GRIK2: variants seen among roughly 807,000 people sequenced by gnomAD.
GRIK2 encodes glutamate ionotropic receptor kainate type subunit 2.
GRIK2 carries 32 observed loss-of-function variants against 100.3 expected under a neutral mutation model. The ratio of observed to expected loss-of-function variants is 0.32; its 90% CI spans 0.24 to 0.43. The LOEUF is 0.43. GRIK2 is among the 20% of genes least tolerant of loss of function. The pLI, the probability that GRIK2 is intolerant of heterozygous loss-of-function variation, is 1.00. For missense variants in GRIK2, 843 were observed against 1,114.9 expected (o/e 0.76, Z 3.47); for synonymous variants, 417 against 389.4 (o/e 1.07, Z -0.83).
chr6:101,441,507 C>T (rs377641482), intron 2 of GRIK2, among the ~76,000 whole-genome samples: 7 of 152,086 alleles, frequency 4.6e-5, no homozygotes, highest in Non-Finnish European at 1.0e-4. Context: ...ACCCAGAACA[C>T]GGTATTATGC....
At chr6:101,942,998 C>A (rs569854011) in intron 14 of GRIK2, among the ~76,000 whole-genome samples, 4 of 152,216 alleles carry the variant, frequency 2.6e-5, no homozygotes. Flanking sequence ...CTCCTCCCTT[C>A]GCAGGCCTAG....
At position 101,928,122 on chromosome 6, in the gene GRIK2, T is replaced by A. The variant is rs192285070; in HGVS notation, c.1868-293T>A. ...GCCTAAAAAATCTCTTCTAATGCTATTTTTATTAAAAATGTTTACTCATTA... is the reference window on the plus strand; with the variant it reads ...GCCTAAAAAATCTCTTCTAATGCTAATTTTATTAAAAATGTTTACTCATTA... On this transcript the variant is annotated intron_variant, in intron 13 of 16. Coordinates refer to ENST00000369134, the MANE Select transcript of GRIK2 (RefSeq NM_021956.5). The A allele has an allele frequency of 9.1e-4, 300 of 328,476 alleles. 1 individual carries two copies. Among genetic ancestry groups the A allele is most frequent in the African/African-American group, 5.1e-3 (246 of 47,818 alleles). 20.3% of individuals were successfully genotyped at this position (328,476 alleles called of 1,614,324 possible). A position where few individuals can be genotyped will look rare whatever the true frequency, so the allele number is the denominator to read the frequency against.
intron 9 of GRIK2, among the ~76,000 whole-genome samples, chr6:101,813,103 A>G (rs1329438497): frequency 6.6e-6 from 1 of 152,054 alleles, no homozygotes; most frequent in Admixed American, 6.6e-5. Context: ...ATAGAGATAC[A>G]TGCATACATC....
chr6:101,708,432 A>G (rs1773484763), intron 7 of GRIK2, among the ~76,000 whole-genome samples: 1 of 151,774 alleles, frequency 6.6e-6, no homozygotes, highest in East Asian at 1.9e-4. Flanking sequence ...CTCTTCAAAG[A>G]TACTTCTGTT....
chr6:102,022,516 C>T (rs1253186924), intron 14 of GRIK2, among the ~76,000 whole-genome samples: 2 of 151,466 alleles, frequency 1.3e-5, no homozygotes, highest in Non-Finnish European at 3.0e-5. Flanking sequence ...GGCAGAGTGA[C>T]GGCATGTCTC....
At chr6:101,576,334 C>T (rs934516090) in intron 2 of GRIK2, among the ~76,000 whole-genome samples, 1 of 152,024 alleles carries the variant, frequency 6.6e-6, no homozygotes, top group African/African-American at 2.4e-5. Context: ...TGGAAATCTG[C>T]ATGAAAGTCT....
chr6:101,909,088 G>T (rs1175075098), intron 12 of GRIK2, among the ~76,000 whole-genome samples: 2 of 150,974 alleles, frequency 1.3e-5, no homozygotes, highest in Admixed American at 6.6e-5. Context: ...AAACACAAAG[G>T]TTATTCTGTA....
At chr6:101,790,772 A>G (rs1779789866) in intron 7 of GRIK2, among the ~76,000 whole-genome samples, 2 of 151,470 alleles carry the variant, frequency 1.3e-5, no homozygotes, top group Admixed American at 6.6e-5. Flanking sequence ...GAATAGTTTC[A>G]GAAGGAATGG....
At chr6:101,824,206 G>T (rs1782163168) in intron 10 of GRIK2, among the ~76,000 whole-genome samples, 1 of 151,994 alleles carries the variant, frequency 6.6e-6, no homozygotes, top group South Asian at 2.1e-4. Flanking sequence ...CTTTAGTGGT[G>T]ATTTGTGAGA....
intron 2 of GRIK2, among the ~76,000 whole-genome samples, chr6:101,544,306 A>G (rs764630630): frequency 2.6e-5 from 4 of 152,208 alleles, no homozygotes; most frequent in African/African-American, 4.8e-5. Flanking sequence ...GATCATCTGT[A>G]TAAGATATTG....
intron 15 of GRIK2, among the ~76,000 whole-genome samples, chr6:102,046,673 A>G (rs1770905952): frequency 6.6e-6 from 1 of 152,152 alleles, no homozygotes; most frequent in African/African-American, 2.4e-5. Flanking sequence ...TCTTTATAGC[A>G]GTGTGCAAAT....
At position 101,626,394 on chromosome 6, in the gene GRIK2, T is replaced by C; in HGVS notation, c.298T>C (p.Ser100Pro). 6.2e-7 allele frequency: 1 copy of C among 1,612,396 alleles called. No individual in the cohort carries two copies. The highest frequency in any genetic ancestry group is 8.5e-7 in the Non-Finnish European group (1 of 1,179,488). The change falls in exon 4 of 17, where the codon TCT becomes CCT. Residue 100 changes from serine to proline, a missense_variant. Ser to Pro is a moderately conservative substitution (Grantham distance 74, BLOSUM62 -1). Transcript: ENST00000369134. ...CTCCTCTTCAGCCTGTGATCAGCTG[T>C]CTCTTGGGGTGGCTGCCATCTTCGG... ...EASKKACDQL[S>P]LGVAAIFGPS...
At chr6:101,794,866 A>ATTT (rs554125741) in intron 7 of GRIK2, among the ~76,000 whole-genome samples, 2 of 134,788 alleles carry the variant, frequency 1.5e-5, no homozygotes, top group Non-Finnish European at 3.2e-5. Context: ...GCTTGTTTCA[A>ATTT]TTTTTTTTTT....
At chr6:101,493,452 T>C (rs532895573) in intron 2 of GRIK2, among the ~76,000 whole-genome samples, 1 of 152,150 alleles carries the variant, frequency 6.6e-6, no homozygotes, top group Non-Finnish European at 1.5e-5. Context: ...GTTAGTAAAA[T>C]GATATCTTCA....
intron 7 of GRIK2, among the ~76,000 whole-genome samples, chr6:101,797,136 A>T (rs1780357185): frequency 6.6e-6 from 1 of 151,844 alleles, no homozygotes; most frequent in South Asian, 2.1e-4. Context: ...TATAGATTGT[A>T]TTCTTTTAGT....
At position 101,679,974 on chromosome 6, in the gene GRIK2, G is replaced by A. The variant is rs945803; in HGVS notation, c.724-2579G>A. Among the ~76,000 whole-genome samples, 342 of 152,190 alleles carry A rather than the reference G, an allele frequency of 2.2e-3. 2 individuals are homozygous for A. The highest frequency in any genetic ancestry group is 7.5e-3 in the African/African-American group (311 of 41,540). ...AGGCTGGTCTTGAAATCCTGACCTC[G>A]TGATCCACCTGCCTTGGCCTCCCAA... On this transcript the variant is annotated intron_variant, in intron 5 of 16. Transcript: ENST00000369134.
intron 13 of GRIK2, 184 bp from the exon 14 acceptor site, chr6:101,928,231 T>A (rs1413762109): frequency 5.0e-6 from 3 of 594,138 alleles, no homozygotes; most frequent in African/African-American, 1.9e-5. Context: ...CCTAAAAGAT[T>A]GTCTATTTTC....
intron 14 of GRIK2, among the ~76,000 whole-genome samples, chr6:102,015,462 G>GAC (rs1253871329): frequency 6.6e-6 from 1 of 151,966 alleles, no homozygotes; most frequent in Non-Finnish European, 1.5e-5. Flanking sequence ...GATATGTGTG[G>GAC]ACACACACAG....
chr6:101,730,344 T>C (rs900139559), intron 7 of GRIK2, among the ~76,000 whole-genome samples: 1 of 151,920 alleles, frequency 6.6e-6, no homozygotes, highest in Non-Finnish European at 1.5e-5. Context: ...ATACATTATA[T>C]AAAACCTGCT....
Sources: gnomAD v4.1 joint callset for allele counts (sites outside exome capture counted in the v4.1 genomes callset) on GRCh38, gnomAD v4.1.1 for gene constraint, MANE v1.5 for transcripts, NCBI Gene and HGNC (gene_info 2026-07-23, HGNC 2026-07-21) for gene names.